Variants in MIOS observed in about 807,000 individuals in gnomAD.
MIOS encodes the protein meiosis regulator for oocyte development.
MIOS carries 52 observed loss-of-function variants against 96.9 expected under a neutral mutation model. The observed-to-expected ratio is 0.54, with a 90% CI of 0.43 to 0.68. MIOS has a LOEUF of 0.68. Ranked by LOEUF, MIOS falls within the 30% of genes least tolerant of loss-of-function variation. The pLI is 0.00. For missense variants in MIOS, 1,005 were observed against 1,052.8 expected, an observed-to-expected ratio of 0.95 and a Z score of 0.63; for synonymous variants, 397 against 359.5, an observed-to-expected ratio of 1.10 and a Z score of -1.18.
At chr7:7,582,426 T>C (rs1783760013) in intron 5 of MIOS, among the ~76,000 whole-genome samples, 1 of 152,186 alleles carries the variant, frequency 6.6e-6, no homozygotes, top group Admixed American at 6.5e-5. Context: ...TACCATGTCA[T>C]TAGGATCAAC....
At chr7:7,598,309 G>A (rs769234972) in intron 11 of MIOS, among the ~76,000 whole-genome samples, 9 of 152,084 alleles carry the variant, frequency 5.9e-5, no homozygotes, top group Admixed American at 1.3e-4. Flanking sequence ...ATTCTATTCT[G>A]TATCGTGTTC....
chr7:7,604,079 G>C (rs917354641), intron 11 of MIOS, among the ~76,000 whole-genome samples: 1 of 151,852 alleles, frequency 6.6e-6, no homozygotes, highest in Non-Finnish European at 1.5e-5. Context: ...TGCGGGGAAG[G>C]GGGAGGGATA....
Position 7,608,616 on chromosome 7 carries a change from A to C in MIOS, c.*1524A>C, listed in dbSNP as rs545207417. The C allele has an allele frequency of 6.6e-6, 1 of 152,098 alleles. No individual in the cohort carries two copies. Among genetic ancestry groups the C allele is most frequent in the South Asian group, 2.1e-4 (1 of 4,828 alleles). 9.4% of individuals were successfully genotyped at this position (152,098 alleles called of 1,614,324 possible). A position where few individuals can be genotyped will look rare whatever the true frequency, so the allele number is the denominator to read the frequency against. On this transcript the variant is annotated 3_prime_UTR_variant, in exon 13 of 13. Transcript: ENST00000340080. ...ACTTTTTCCAGCCTTCATTTGAGTA[A>C]ATCTTAATTGATTTCATTTTATTAA...
rs1008548239 is a variant in MIOS, at chr7:7,608,643, A to T, written c.*1551A>T. 4 of 152,008 alleles carry T rather than the reference A, an allele frequency of 2.6e-5. No individual in the cohort carries two copies. Among genetic ancestry groups the T allele is most frequent in the Non-Finnish European group, 4.4e-5 (3 of 67,926 alleles). 9.4% of individuals were successfully genotyped at this position (152,008 alleles called of 1,614,324 possible). ...TCTTAATTGATTTCATTTTATTAACATATACCCTTTACCTTTAATATTTCA... is the reference window on the plus strand; with the variant it reads ...TCTTAATTGATTTCATTTTATTAACTTATACCCTTTACCTTTAATATTTCA... On this transcript the variant is annotated 3_prime_UTR_variant, in exon 13 of 13. Transcript: ENST00000340080.
chr7:7,593,857 C>T lies in MIOS; in HGVS notation c.2044-1123C>T, dbSNP rs1158611509. On this transcript the variant is annotated intron_variant, in intron 9 of 12. Transcript: ENST00000340080. Reference sequence around the variant, plus strand: ...TCGTGCCACTGCGCTCCAGCCTGGCCGACAGAGTGAGACTCTGTCTCCAAA... The same window carrying T: ...TCGTGCCACTGCGCTCCAGCCTGGCTGACAGAGTGAGACTCTGTCTCCAAA... Among the ~76,000 whole-genome samples, 6 of 130,366 alleles carry T rather than the reference C, an allele frequency of 4.6e-5. No homozygotes were observed. The East Asian group carries it at 8.5e-4, about 18-fold the overall frequency. The allele number at this position is 130,366 out of a possible 152,430, so 85.5% of individuals were successfully genotyped here. A position where few individuals can be genotyped will look rare whatever the true frequency, so the allele number is the denominator to read the frequency against.
Position 7,607,849 on chromosome 7 carries a change from A to G in MIOS, c.*757A>G, listed in dbSNP as rs1784573036. On this transcript the variant is annotated 3_prime_UTR_variant, in exon 13 of 13. Coordinates refer to ENST00000340080, the MANE Select transcript of MIOS (RefSeq NM_019005.4). ...TGAACATACAAAATTTTCACTTTCTACCTTTTGCCTTCCAATGTCCTGATT... is the reference window on the plus strand; with the variant it reads ...TGAACATACAAAATTTTCACTTTCTGCCTTTTGCCTTCCAATGTCCTGATT... 1 of 152,080 alleles carries G rather than the reference A, an allele frequency of 6.6e-6. No homozygotes were observed. The highest frequency in any genetic ancestry group is 1.5e-5 in the Non-Finnish European group (1 of 67,984). 9.4% of individuals were successfully genotyped at this position (152,080 alleles called of 1,614,324 possible).
At chr7:7,587,003 T>TGTTG (rs61450074) in intron 7 of MIOS, among the ~76,000 whole-genome samples, 15 of 138,964 alleles carry the variant, frequency 1.1e-4, no homozygotes, top group South Asian at 2.3e-4. Context: ...TTTTTTTTTT[T>TGTTG]TTTTTGTTGT....
intron 6 of MIOS, among the ~76,000 whole-genome samples, chr7:7,584,174 A>AT (rs1322508065): frequency 3.3e-5 from 5 of 151,846 alleles, no homozygotes; most frequent in Admixed American, 6.6e-5. Flanking sequence ...ATTCACTGTA[A>AT]TTTTTTTTGT....
intron 10 of MIOS, among the ~76,000 whole-genome samples, chr7:7,595,396 A>G (rs1318307148): frequency 1.3e-5 from 2 of 152,188 alleles, no homozygotes; most frequent in East Asian, 1.9e-4. Flanking sequence ...TTCAGATTCT[A>G]AACTATTACA....
intron 11 of MIOS, among the ~76,000 whole-genome samples, chr7:7,599,446 G>A (rs939863699): frequency 3.9e-5 from 6 of 152,144 alleles, no homozygotes; most frequent in African/African-American, 1.4e-4. Context: ...TTGAAAGTGG[G>A]AAATATTACT....
chr7:7,600,486 G>T (rs1784343724), intron 11 of MIOS, among the ~76,000 whole-genome samples: 2 of 152,150 alleles, frequency 1.3e-5, no homozygotes, highest in Admixed American at 1.3e-4. Flanking sequence ...TTACATAATG[G>T]TAAAGGGATC....
intron 9 of MIOS, among the ~76,000 whole-genome samples, chr7:7,591,658 A>G (rs766509452): frequency 6.6e-6 from 1 of 152,138 alleles, no homozygotes; most frequent in African/African-American, 2.4e-5. Context: ...ATTTATATGT[A>G]GGATAATCTT....
chr7:7,598,948 A>G (rs998372956), intron 11 of MIOS, among the ~76,000 whole-genome samples: 17 of 152,084 alleles, frequency 1.1e-4, no homozygotes, highest in African/African-American at 2.2e-4. Flanking sequence ...CTTTATATAT[A>G]TAATACATAT....
At chr7:7,608,975 G>A (rs1222564959), downstream of MIOS, 2 of 151,972 alleles carry the variant, frequency 1.3e-5, no homozygotes, top group Non-Finnish European at 1.5e-5. Context: ...ATTTCAGTGT[G>A]CATGGACAAT....
At chr7:7,595,455 G>A (rs1444116327) in intron 10 of MIOS, among the ~76,000 whole-genome samples, 1 of 152,050 alleles carries the variant, frequency 6.6e-6, no homozygotes, top group Non-Finnish European at 1.5e-5. Context: ...CATTATTTAT[G>A]TGCAGTAAGG....
chr7:7,577,870 C>T (rs1361480287), intron 5 of MIOS, among the ~76,000 whole-genome samples: 1 of 151,968 alleles, frequency 6.6e-6, no homozygotes, highest in Non-Finnish European at 1.5e-5. Flanking sequence ...ATTATTTTAC[C>T]AGAAGGCAGA....
chr7:7,594,248 A>G (rs1784137007), intron 9 of MIOS, among the ~76,000 whole-genome samples: 1 of 152,142 alleles, frequency 6.6e-6, no homozygotes, highest in Non-Finnish European at 1.5e-5. Context: ...GCATTGCTAG[A>G]TAGGAAGGAC....
chr7:7,604,517 T>C (rs1279883651), intron 11 of MIOS, among the ~76,000 whole-genome samples: 2 of 152,172 alleles, frequency 1.3e-5, no homozygotes, highest in Non-Finnish European at 2.9e-5. Flanking sequence ...AAGACAAAAA[T>C]CGCTGCCCTT....
rs556474125 is a variant in MIOS at position 7,602,102 on chromosome 7, C to G, written c.2402-3840C>G. 2.6e-5 allele frequency among the ~76,000 whole-genome samples: 4 copies of G among 152,188 alleles called. No homozygotes were observed. In the East Asian group the frequency reaches 7.7e-4, roughly 29 times the overall value. ...ATAATAAGAGCTATCTATGACACAC[C>G]CACAGCCAATATCATACTGAATGGA... On this transcript the variant is annotated intron_variant, in intron 11 of 12. Transcript: ENST00000340080.
Sources: allele counts gnomAD v4.1 joint callset (sites outside exome capture counted in the v4.1 genomes callset), GRCh38; gene constraint gnomAD v4.1.1; transcripts MANE v1.5; gene names NCBI Gene and HGNC (gene_info 2026-07-23, HGNC 2026-07-21).